Variants in DNAJC1 observed in about 807,000 individuals in gnomAD.
DNAJC1 encodes the protein DnaJ heat shock protein family (Hsp40) member C1.
In DNAJC1, 58 loss-of-function variants were observed where a neutral mutation model predicts 76.6. The observed-to-expected ratio is 0.76, with a 90% CI of 0.61 to 0.94. The LOEUF (loss-of-function observed/expected upper bound fraction) is 0.94. DNAJC1 is among the 40% of genes least tolerant of loss of function. The probability of loss-of-function intolerance (pLI) is 0.00; values close to 1 mark genes in which losing one functional copy is unlikely to be tolerated. For missense variants in DNAJC1, 689 were observed against 677.3 expected (o/e 1.02, Z -0.19); for synonymous variants, 258 against 267.9 (o/e 0.96, Z 0.36).
chr10:21,783,052 G>A (rs576722715), intron 9 of DNAJC1, among the ~76,000 whole-genome samples: 1 of 152,144 alleles, frequency 6.6e-6, no homozygotes, highest in East Asian at 1.9e-4. Context: ...TCTGGCCAGG[G>A]CAATCAGGCA....
At chr10:21,957,371 CTATT>C (rs1399630673) in intron 1 of DNAJC1, among the ~76,000 whole-genome samples, 1 of 152,000 alleles carries the variant, frequency 6.6e-6, no homozygotes, top group African/African-American at 2.4e-5. Context: ...CTCTATTATC[CTATT>C]TGTTTTTACT....
chr10:21,799,214 AT>A (rs1267637007), intron 9 of DNAJC1, among the ~76,000 whole-genome samples: 1 of 152,240 alleles, frequency 6.6e-6, no homozygotes, highest in Non-Finnish European at 1.5e-5. Flanking sequence ...ACTCTGTAGT[AT>A]AATTAAATTT....
intron 9 of DNAJC1, among the ~76,000 whole-genome samples, chr10:21,774,186 C>A (rs1238142084): frequency 6.6e-6 from 1 of 151,122 alleles, no homozygotes; most frequent in Non-Finnish European, 1.5e-5. Context: ...GAATATATTG[C>A]ATTTTACCTA....
At chr10:21,988,725 G>A (rs968318294) in intron 1 of DNAJC1, among the ~76,000 whole-genome samples, 1 of 152,080 alleles carries the variant, frequency 6.6e-6, no homozygotes, top group African/African-American at 2.4e-5. Flanking sequence ...GAAAACAAAT[G>A]TTATTTACCC....
intron 7 of DNAJC1, among the ~76,000 whole-genome samples, chr10:21,901,013 G>A (rs1169268199): frequency 1.3e-5 from 2 of 152,110 alleles, no homozygotes; most frequent in South Asian, 2.1e-4. Flanking sequence ...ACACTGAAAA[G>A]TCACATTCTG....
Position 21,759,270 on chromosome 10 carries a change from T to A in DNAJC1, c.1496A>T (p.Gln499Leu), listed in dbSNP as rs530797626. The A allele has an allele frequency of 1.9e-6, 3 of 1,614,252 alleles. No individual in the cohort carries two copies. The Admixed American group carries it at 5.0e-5, about 27-fold the overall frequency. Residue 499 changes from glutamine to leucine, a missense_variant, in exon 11 of 12, where the codon CAA becomes CTA. Gln to Leu is a moderately radical substitution (Grantham distance 113). Coordinates refer to ENST00000376980, the MANE Select transcript of DNAJC1 (RefSeq NM_022365.4). ...CAGTTCCAGAAGTTTCTGTTGATTT[T>A]GAGTCCACGGCTCCTCTGCAGACCG... is the stretch of plus-strand genomic sequence containing the variant. ...RARSAEEPWT[Q>L]NQQKLLELAL...
chr10:21,872,414 T>C (rs913982751), intron 8 of DNAJC1, among the ~76,000 whole-genome samples: 5 of 152,174 alleles, frequency 3.3e-5, no homozygotes, highest in Non-Finnish European at 7.3e-5. Flanking sequence ...GGAAGCCATG[T>C]CTAAAGAATT....
intron 8 of DNAJC1, among the ~76,000 whole-genome samples, chr10:21,834,341 G>A (rs1835414900): frequency 6.6e-6 from 1 of 152,224 alleles, no homozygotes; most frequent in South Asian, 2.1e-4. Context: ...ACTAAGGAGA[G>A]GAGCCAAGAT....
chr10:21,880,082 C>G (rs1180798159), intron 8 of DNAJC1, among the ~76,000 whole-genome samples: 3 of 152,208 alleles, frequency 2.0e-5, no homozygotes, highest in African/African-American at 7.2e-5. Context: ...GGAATAGATT[C>G]CATCTCAAGA....
chr10:21,774,604 A>G (rs532775397), intron 9 of DNAJC1, among the ~76,000 whole-genome samples: 1 of 152,172 alleles, frequency 6.6e-6, no homozygotes, highest in South Asian at 2.1e-4. Context: ...CTTCCTGAAT[A>G]GCTGGGACTA....
chr10:21,771,077 ATTTCAT>A (rs1394083104), intron 9 of DNAJC1, among the ~76,000 whole-genome samples: 1 of 152,122 alleles, frequency 6.6e-6, no homozygotes, highest in Non-Finnish European at 1.5e-5. Context: ...AATGTCATTA[ATTTCAT>A]TTTCAAGTTG....
At chr10:21,775,198 T>G (rs1235616395) in intron 9 of DNAJC1, among the ~76,000 whole-genome samples, 1 of 152,068 alleles carries the variant, frequency 6.6e-6, no homozygotes, top group Admixed American at 6.5e-5. Flanking sequence ...TTACAACAGG[T>G]TCGTTAGATA....
At chr10:21,910,854 G>C (rs1002262021) in intron 6 of DNAJC1, among the ~76,000 whole-genome samples, 3 of 126,782 alleles carry the variant, frequency 2.4e-5, no homozygotes, top group South Asian at 3.0e-4. Flanking sequence ...GAGGAGAGGA[G>C]AGGAGAGGAG....
Position 21,813,094 on chromosome 10 carries a change from C to CATAT in DNAJC1, c.979-6996_979-6995insATAT, listed in dbSNP as rs1451322364. On this transcript the variant is annotated intron_variant, in intron 8 of 11. Transcript: ENST00000376980. ...ACATATATATACATATATACACACACACATATATATATATATATATATACA... is the reference window on the plus strand; with the variant it reads ...ACATATATATACATATATACACACACATATACATATATATATATATATATATACA... Among the ~76,000 whole-genome samples, 28 of 66,748 alleles carry CATAT rather than the reference C, an allele frequency of 4.2e-4. No homozygotes were observed. The East Asian group carries it at 0.011, about 26-fold the overall frequency. The allele number at this position is 66,748 out of a possible 152,430, so 43.8% of individuals were successfully genotyped here.
Position 21,759,402 on chromosome 10 carries a change from G to C in DNAJC1, c.1364C>G (p.Ala455Gly). Residue 455 changes from alanine to glycine, a missense_variant, in exon 11 of 12, where the codon GCG becomes GGG. Ala to Gly is a moderately conservative substitution (Grantham distance 60). Transcript: ENST00000376980. ...RKPARLLEAT[A>G]KPEPEEKSRA... ...GGACTTCTCCTCTGGCTCCGGCTTC[G>C]CTGTAGCCTCCAGCAGCCTGGCTGG... The C allele has an allele frequency of 6.2e-7, 1 of 1,614,036 alleles. No individual in the cohort carries two copies. The highest frequency in any genetic ancestry group is 2.2e-5 in the East Asian group (1 of 44,878).
intron 6 of DNAJC1, among the ~76,000 whole-genome samples, chr10:21,910,917 A>G (rs549963285): frequency 6.8e-6 from 1 of 146,206 alleles, no homozygotes; most frequent in South Asian, 2.4e-4. Flanking sequence ...GGAAGAAAGA[A>G]AGAGAGAGAT....
chr10:21,908,888 C>CTT, intron 6 of DNAJC1, among the ~76,000 whole-genome samples: 1 of 146,098 alleles, frequency 6.8e-6, no homozygotes, highest in East Asian at 2.0e-4. Context: ...AAATTTCTTT[C>CTT]TTTTTTTTTT....
chr10:21,802,688 A>G, intron 9 of DNAJC1, among the ~76,000 whole-genome samples: 1 of 152,146 alleles, frequency 6.6e-6, no homozygotes, highest in East Asian at 1.9e-4. Flanking sequence ...TGTTATCACA[A>G]CCAGAATGCA....
chr10:21,920,008 G>A, intron 4 of DNAJC1, 79 bp from the exon 5 acceptor site: 2 of 867,520 alleles, frequency 2.3e-6, no homozygotes, highest in Non-Finnish European at 3.6e-6. Context: ...TTCTGTGAAG[G>A]GTAAACATTA....
Sources: allele counts gnomAD v4.1 joint callset (sites outside exome capture counted in the v4.1 genomes callset), GRCh38; gene constraint gnomAD v4.1.1; transcripts MANE v1.5; gene names NCBI Gene and HGNC (gene_info 2026-07-23, HGNC 2026-07-21).